CENPI: variants seen among roughly 807,000 people sequenced by gnomAD.
CENPI encodes the protein FSH primary response 1.
A neutral mutation model predicts 60.4 loss-of-function variants in CENPI; 4 were observed. The observed-to-expected ratio is 0.07, with a 90% CI of 0.03 to 0.15. The LOEUF (loss-of-function observed/expected upper bound fraction) is 0.15. Ranked by LOEUF, CENPI falls within the 10% of genes least tolerant of loss-of-function variation. CENPI has a pLI of 1.00. For missense variants in CENPI, 444 were observed against 534.5 expected, an observed-to-expected ratio of 0.83 and a Z score of 1.67; for synonymous variants, 157 against 189.4, an observed-to-expected ratio of 0.83 and a Z score of 1.40.
At chrX:101,160,313 A>C (rs771538336) in intron 20 of CENPI, among the ~76,000 whole-genome samples, 1 of 110,751 alleles carries the variant, frequency 9.0e-6, no homozygotes, top group African/African-American at 3.3e-5. Flanking sequence ...ACTTTCCTGA[A>C]GCAGGAGCCA....
chrX:101,143,437 T>C (rs5967252), intron 16 of CENPI, among the ~76,000 whole-genome samples: 50,538 of 110,646 alleles, frequency 0.46, 8,561 homozygotes, highest in African/African-American at 0.54. Flanking sequence ...ATAAAATAGC[T>C]AGATCTGTTT....
chrX:101,116,927 G>T (rs1320582927), intron 6 of CENPI, among the ~76,000 whole-genome samples: 1 of 111,288 alleles, frequency 9.0e-6, no homozygotes, highest in Non-Finnish European at 1.9e-5. Context: ...GCATTTCCCT[G>T]ATAACTAATG....
intron 16 of CENPI, among the ~76,000 whole-genome samples, chrX:101,141,737 GC>G (rs372469224): frequency 1.8e-5 from 2 of 109,091 alleles, no homozygotes; most frequent in East Asian, 2.9e-4. Flanking sequence ...ACCTCCACCT[GC>G]CCCCCCCTTT....
intron 8 of CENPI, 93 bp downstream of exon 8, chrX:101,120,877 T>TC (rs2089670475): frequency 2.5e-5 from 3 of 120,883 alleles, no homozygotes; most frequent in Admixed American, 1.0e-4. Flanking sequence ...ACTCTTGATC[T>TC]TTTTTTTTTT....
intron 4 of CENPI, among the ~76,000 whole-genome samples, chrX:101,107,690 T>G (rs1372971556): frequency 9.2e-6 from 1 of 109,173 alleles, no homozygotes; most frequent in African/African-American, 3.3e-5. Flanking sequence ...ATTTTTGAGA[T>G]GGAGTTTCAC....
At chrX:101,116,996 T>C (rs1449497362) in intron 6 of CENPI, among the ~76,000 whole-genome samples, 2 of 111,389 alleles carry the variant, frequency 1.8e-5, no homozygotes, top group Non-Finnish European at 3.8e-5. Context: ...TGGAGAAATG[T>C]CTCTTAGGAT....
chrX:101,147,842 CT>C, intron 19 of CENPI, 31 bp downstream of exon 19: 1 of 1,187,180 alleles, frequency 8.4e-7, no homozygotes, highest in Non-Finnish European at 1.1e-6. Flanking sequence ...TGTTAAATCA[CT>C]GTTGTTTAAA....
intron 7 of CENPI, 29 bp from the exon 8 acceptor site, chrX:101,120,709 A>T (rs760934453): frequency 2.5e-6 from 3 of 1,184,575 alleles, no homozygotes; most frequent in East Asian, 3.0e-5. Flanking sequence ...ATCCAAATGC[A>T]TAGTACGTCT....
At chrX:101,155,912 G>A (rs1384227408) in intron 20 of CENPI, among the ~76,000 whole-genome samples, 1 of 112,363 alleles carries the variant, frequency 8.9e-6, no homozygotes. Context: ...ACTTCATGAA[G>A]ACAAGTGAGT....
At chrX:101,105,321 G>A (rs1377912141) in intron 4 of CENPI, among the ~76,000 whole-genome samples, 1 of 111,019 alleles carries the variant, frequency 9.0e-6, no homozygotes, top group Non-Finnish European at 1.9e-5. Context: ...TCAGGAGATC[G>A]AGACCATCCT....
chrX:101,169,342 T>C (rs751827600), downstream of CENPI, among the ~76,000 whole-genome samples: 1 of 112,641 alleles, frequency 8.9e-6, no homozygotes, highest in East Asian at 2.8e-4. Context: ...TATACAGTCA[T>C]GTGCCACCAC....
intron 20 of CENPI, among the ~76,000 whole-genome samples, chrX:101,156,934 G>T (rs1270779406): frequency 9.0e-6 from 1 of 110,901 alleles, no homozygotes; most frequent in Non-Finnish European, 1.9e-5. Context: ...CCATATTTTT[G>T]CAGTTGCGAA....
intron 15 of CENPI, among the ~76,000 whole-genome samples, chrX:101,140,141 T>C (rs1021603902): frequency 2.7e-5 from 3 of 112,083 alleles, no homozygotes; most frequent in African/African-American, 6.5e-5. Context: ...CAGCCCATCA[T>C]TGTATGTTTT....
chrX:101,117,901 T>TG (rs1439546724), intron 6 of CENPI, among the ~76,000 whole-genome samples: 1 of 112,491 alleles, frequency 8.9e-6, no homozygotes, highest in African/African-American at 3.2e-5. Context: ...CTCTGAAACA[T>TG]GCTTCAACAG....
intron 12 of CENPI, 60 bp downstream of exon 12, chrX:101,128,896 G>T (rs1281409553): frequency 1.9e-6 from 2 of 1,064,494 alleles, no homozygotes; most frequent in East Asian, 3.1e-5. Context: ...TTATAAGGGT[G>T]CCAAATTCTA....
chrX:101,143,598 T>G (rs5967254), intron 16 of CENPI, among the ~76,000 whole-genome samples: 4,028 of 112,908 alleles, frequency 0.036, 218 homozygotes, highest in African/African-American at 0.12. Context: ...TAGCACGATC[T>G]TGGCTCATTG....
intron 20 of CENPI, among the ~76,000 whole-genome samples, chrX:101,157,206 TTGAAGACTTA>T (rs2090060866): frequency 8.9e-6 from 1 of 112,089 alleles, no homozygotes; most frequent in South Asian, 3.7e-4. Context: ...TTAACAATTA[TTGAAGACTTA>T]TGACTCACCA....
chrX:101,147,047 T>G (rs1304117516), intron 18 of CENPI, among the ~76,000 whole-genome samples: 1 of 111,986 alleles, frequency 8.9e-6, no homozygotes, highest in African/African-American at 3.2e-5. Flanking sequence ...AGTGTAGACC[T>G]TCTTGGCATA....
chrX:101,133,838 G>A (rs953794583), intron 15 of CENPI, among the ~76,000 whole-genome samples: 4 of 111,962 alleles, frequency 3.6e-5, no homozygotes, highest in African/African-American at 1.3e-4. Flanking sequence ...GGCTTCCTTT[G>A]TGAGTAGTTC....
Sources: gnomAD v4.1 joint callset for allele counts (sites outside exome capture counted in the v4.1 genomes callset) on GRCh38, gnomAD v4.1.1 for gene constraint, MANE v1.5 for transcripts, NCBI Gene and HGNC (gene_info 2026-07-23, HGNC 2026-07-21) for gene names.